PDZD2: variants seen among roughly 807,000 people sequenced by gnomAD.
PDZD2 encodes PDZ domain-containing protein 2.
Under a neutral mutation model 220.7 loss-of-function variants are expected in PDZD2, and 90 were observed. The observed-to-expected ratio is 0.41, with a 90% CI of 0.34 to 0.49. The LOEUF is 0.49. Ranked by LOEUF, PDZD2 falls within the 20% of genes least tolerant of loss-of-function variation. PDZD2 has a pLI of 0.28. For synonymous variants in PDZD2, 1,375 were observed against 1,450.5 expected, an observed-to-expected ratio of 0.95 and a Z score of 1.18; for missense variants, 3,174 against 3,608.5, an observed-to-expected ratio of 0.88 and a Z score of 3.08.
chr5:31,882,061 G>A (rs1025006256), intron 2 of PDZD2, among the ~76,000 whole-genome samples: 6 of 152,102 alleles, frequency 3.9e-5, no homozygotes, highest in South Asian at 2.1e-4. Flanking sequence ...ACTCCATCCC[G>A]TTATTCTGGG....
chr5:31,721,150 G>C (rs1748766573), intron 1 of PDZD2, among the ~76,000 whole-genome samples: 1 of 152,192 alleles, frequency 6.6e-6, no homozygotes, highest in African/African-American at 2.4e-5. Context: ...AGGAGGTGAT[G>C]GATGACTGAG....
At chr5:32,091,287 T>C in intron 20 of PDZD2, 112 bp downstream of exon 20, 2 of 821,174 alleles carry the variant, frequency 2.4e-6, no homozygotes, top group Admixed American at 7.0e-5. Flanking sequence ...TACTTTTTTT[T>C]TTTTTTTTTT....
At chr5:31,811,244 C>T (rs906275270) in intron 2 of PDZD2, among the ~76,000 whole-genome samples, 1 of 152,216 alleles carries the variant, frequency 6.6e-6, no homozygotes, top group Non-Finnish European at 1.5e-5. Context: ...CCTCGGCCTC[C>T]CAAAGTGCTG....
At chr5:32,070,106 C>T (rs1375763066) in intron 15 of PDZD2, among the ~76,000 whole-genome samples, 1 of 152,000 alleles carries the variant, frequency 6.6e-6, no homozygotes, top group African/African-American at 2.4e-5. Context: ...AAACTTCAGG[C>T]AGAGAAGGCT....
At chr5:32,014,223 C>T (rs1463959168) in intron 6 of PDZD2, among the ~76,000 whole-genome samples, 2 of 152,196 alleles carry the variant, frequency 1.3e-5, no homozygotes, top group East Asian at 3.8e-4. Context: ...TCTAGCCAGA[C>T]ATGGACTGTT....
chr5:31,943,603 G>A (rs137956195), intron 2 of PDZD2, among the ~76,000 whole-genome samples: 2 of 152,322 alleles, frequency 1.3e-5, no homozygotes, highest in South Asian at 2.1e-4. Flanking sequence ...TCCAAAGGAC[G>A]TATTAAACAC....
intron 2 of PDZD2, among the ~76,000 whole-genome samples, chr5:31,898,377 A>G (rs754888818): frequency 6.6e-6 from 1 of 152,268 alleles, no homozygotes; most frequent in Non-Finnish European, 1.5e-5. Context: ...CCAGGGACGG[A>G]CAAAGGACAA....
At chr5:31,887,164 C>T (rs1314798709) in intron 2 of PDZD2, among the ~76,000 whole-genome samples, 1 of 152,164 alleles carries the variant, frequency 6.6e-6, no homozygotes, top group African/African-American at 2.4e-5. Flanking sequence ...TCAATGAGTT[C>T]TGAAAATCCT....
intron 1 of PDZD2, among the ~76,000 whole-genome samples, chr5:31,695,334 G>T (rs1394044621): frequency 1.3e-5 from 2 of 152,150 alleles, no homozygotes; most frequent in Non-Finnish European, 2.9e-5. Context: ...CAAAGTCAAT[G>T]ATATTTTGAT....
At chr5:31,668,328 A>C (rs933492340) in intron 1 of PDZD2, among the ~76,000 whole-genome samples, 1 of 151,632 alleles carries the variant, frequency 6.6e-6, no homozygotes, top group Non-Finnish European at 1.5e-5. Flanking sequence ...AGACCAAACC[A>C]CTCCTTTCTG....
chr5:31,737,389 G>C (rs548841163), intron 1 of PDZD2, among the ~76,000 whole-genome samples: 1 of 151,974 alleles, frequency 6.6e-6, no homozygotes, highest in African/African-American at 2.4e-5. Flanking sequence ...AGCCAGGATG[G>C]TCTTGATCTC....
At chr5:31,968,313 G>T (rs1481281323) in intron 2 of PDZD2, among the ~76,000 whole-genome samples, 2 of 152,094 alleles carry the variant, frequency 1.3e-5, no homozygotes, top group Non-Finnish European at 2.9e-5. Flanking sequence ...AGCCGAGATC[G>T]CACCACTGTG....
intron 7 of PDZD2, among the ~76,000 whole-genome samples, chr5:32,045,590 T>G (rs536338075): frequency 2.0e-5 from 3 of 149,112 alleles, no homozygotes; most frequent in South Asian, 4.2e-4. Flanking sequence ...GCCCAGCTGT[T>G]TTTTTTTTTT....
chr5:31,790,569 C>T (rs1276563733), intron 1 of PDZD2, among the ~76,000 whole-genome samples: 1 of 151,804 alleles, frequency 6.6e-6, no homozygotes, highest in Non-Finnish European at 1.5e-5. Flanking sequence ...ATTTAAGCAT[C>T]CCAGGCTGTT....
intron 14 of PDZD2, among the ~76,000 whole-genome samples, 196 bp from the exon 15 acceptor site, chr5:32,069,373 G>T (rs1399353257): frequency 1.3e-5 from 2 of 152,080 alleles, no homozygotes; most frequent in Admixed American, 6.6e-5. Flanking sequence ...TTGGGCACCA[G>T]TTGAAAAGTC....
At chr5:31,737,348 A>AT (rs765502278) in intron 1 of PDZD2, among the ~76,000 whole-genome samples, 22 of 148,368 alleles carry the variant, frequency 1.5e-4, no homozygotes, top group African/African-American at 3.2e-4. Flanking sequence ...AATTTGTTGT[A>AT]TTTTTAGTAG....
At chr5:31,863,689 G>A (rs1377349365) in intron 2 of PDZD2, among the ~76,000 whole-genome samples, 8 of 152,172 alleles carry the variant, frequency 5.3e-5, no homozygotes, top group Non-Finnish European at 7.3e-5. Flanking sequence ...GTGGGCTGTT[G>A]TCTTAACAGT....
At chr5:31,695,290 T>A (rs923936006) in intron 1 of PDZD2, among the ~76,000 whole-genome samples, 1 of 152,168 alleles carries the variant, frequency 6.6e-6, no homozygotes, top group Non-Finnish European at 1.5e-5. Context: ...GCTGAGGAGA[T>A]CTAGATTTTG....
chr5:32,028,363 C>T (rs532812079), intron 6 of PDZD2, among the ~76,000 whole-genome samples: 1 of 152,172 alleles, frequency 6.6e-6, no homozygotes, highest in Non-Finnish European at 1.5e-5. Flanking sequence ...GTTTGCCCCC[C>T]ACCCCTAGAA....
Sources: gnomAD v4.1 joint callset for allele counts (sites outside exome capture counted in the v4.1 genomes callset) on GRCh38, gnomAD v4.1.1 for gene constraint, MANE v1.5 for transcripts, NCBI Gene and HGNC (gene_info 2026-07-23, HGNC 2026-07-21) for gene names.